The following COL18A1 variants were observed in gnomAD, a reference collection of about 807,000 sequenced individuals.
The protein encoded by COL18A1 is collagen alpha-1(XVIII) chain.
COL18A1 carries 133 observed loss-of-function variants against 168.0 expected under a neutral mutation model. The ratio of observed to expected loss-of-function variants is 0.79; its 90% confidence interval spans 0.69 to 0.91. COL18A1 has a LOEUF of 0.91. COL18A1 is among the 40% of genes least tolerant of loss of function. COL18A1 has a pLI of 0.00. For synonymous variants in COL18A1, 949 were observed against 809.0 expected (o/e 1.17, Z -2.94); for missense variants, 2,126 against 1,925.4 (o/e 1.10, Z -1.95).
intron 26 of COL18A1, 198 bp from the exon 27 acceptor site, chr21:45,494,347 G>T: frequency 2.9e-6 from 2 of 694,152 alleles, no homozygotes; most frequent in Non-Finnish European, 5.0e-6. Flanking sequence ...CTCACCAGTG[G>T]CTCCTGTCCT....
At chr21:45,511,996 G>A (rs1568956550) in intron 41 of COL18A1, among the ~76,000 whole-genome samples, 192 bp from the exon 42 acceptor site, 1 of 152,198 alleles carries the variant, frequency 6.6e-6, no homozygotes, top group African/African-American at 2.4e-5. Flanking sequence ...ATGGGGGGCA[G>A]TCTGGGAGAT....
chr21:45,470,545 G>A (rs150227170), intron 3 of COL18A1, among the ~76,000 whole-genome samples: 1,464 of 143,774 alleles, frequency 0.01, 27 homozygotes, highest in African/African-American at 0.034. Flanking sequence ...GGAGTGCAAT[G>A]GGGTGATCTC....
chr21:45,480,734 C>T lies in COL18A1; in HGVS notation c.1487C>T (p.Pro496Leu), dbSNP rs2035862696. Residue 496 changes from proline to leucine, a missense_variant, in exon 13 of 42, where the codon CCC becomes CTC. Physicochemically the swap from Pro to Leu is moderately conservative, Grantham distance 98. Coordinates refer to ENST00000651438, the MANE Select transcript of COL18A1 (RefSeq NM_001379500.1). ...PRGFPGPPGP[P>L]GVPGLPGEPG... ...GGCTTCCCTGGACCTCCCGGACCCC[C>T]CGGTGTCCCAGGCCTGCCCGGCGAG... The T allele has an allele frequency of 6.2e-7, 1 of 1,610,836 alleles. No homozygotes were observed. The highest frequency in any genetic ancestry group is 1.3e-5 in the African/African-American group (1 of 74,926).
chr21:45,480,632 C>T lies in COL18A1; in HGVS notation c.1453-68C>T, dbSNP rs28608951. On this transcript the variant is annotated intron_variant, in intron 12 of 41. Transcript: ENST00000651438. ...GTGGGGGGTGGGGATGAGGCCCGTT[C>T]TGGGGGTGGTGGTCATCCCTGGTGG... The T allele has an allele frequency of 0.3, 486,850 of 1,611,606 alleles. 74,453 individuals carry two copies. Among genetic ancestry groups the T allele is most frequent in the African/African-American group, 0.39 (29,087 of 74,898 alleles).
chr21:45,429,496 A>G (rs2033897011), intron 2 of COL18A1, among the ~76,000 whole-genome samples: 1 of 152,088 alleles, frequency 6.6e-6, no homozygotes, highest in South Asian at 2.1e-4. Context: ...CCCACTGTGC[A>G]CCCAGCACCC....
At chr21:45,451,790 G>A (rs998706966) in intron 2 of COL18A1, among the ~76,000 whole-genome samples, 3 of 152,134 alleles carry the variant, frequency 2.0e-5, no homozygotes, top group Non-Finnish European at 2.9e-5. Flanking sequence ...CAGGTCCTGC[G>A]CACCCCCAGG....
intron 32 of COL18A1, chr21:45,497,943 C>T (rs955560386): frequency 2.5e-5 from 15 of 604,418 alleles, no homozygotes; most frequent in East Asian, 5.5e-5. Context: ...GTGGGCACTG[C>T]GCAGAGACAC....
chr21:45,503,773 A>T (rs1377757531), intron 32 of COL18A1, among the ~76,000 whole-genome samples: 1 of 152,088 alleles, frequency 6.6e-6, no homozygotes, highest in Non-Finnish European at 1.5e-5. Flanking sequence ...GTACCCTAAA[A>T]CTTAAAGTAT....
chr21:45,455,303 C>G (rs1345917681), intron 2 of COL18A1, among the ~76,000 whole-genome samples: 1 of 152,234 alleles, frequency 6.6e-6, no homozygotes, highest in Admixed American at 6.5e-5. Flanking sequence ...TGCTGCAGGG[C>G]CGTGGGAAAG....
chr21:45,454,964 G>C (rs1354549131), intron 2 of COL18A1, among the ~76,000 whole-genome samples: 1 of 152,238 alleles, frequency 6.6e-6, no homozygotes, highest in African/African-American at 2.4e-5. Flanking sequence ...AGCTCTGAGA[G>C]GGTCTGAGCC....
intron 2 of COL18A1, chr21:45,467,138 G>A (rs1452534064): frequency 6.9e-6 from 5 of 720,158 alleles, no homozygotes; most frequent in Admixed American, 6.3e-5. Flanking sequence ...GCCTGGCACG[G>A]CAGGTGTGCT....
chr21:45,485,281 G>A (rs550112022), intron 15 of COL18A1, among the ~76,000 whole-genome samples: 5 of 149,848 alleles, frequency 3.3e-5, no homozygotes, highest in South Asian at 2.1e-4. Flanking sequence ...GATTACAGGC[G>A]TGAGCCACCA....
rs1437854260 is a variant in COL18A1, at chr21:45,468,309, G to C, written c.174G>C (p.Gln58His). Residue 58 changes from glutamine (Q) to histidine (H), a missense_variant, in exon 3 of 42, where the codon CAG (glutamine) becomes CAC (histidine). Gln to His is a conservative substitution (Grantham distance 24). Transcript: ENST00000651438. ...ACCCCCCGCCCCAGCAGGTCACCCA[G>C]ACGGATGACCCCGACGTCGGGCTGG... ...LGDPPPQQVT[Q>H]TDDPDVGLAY... 1.2e-6 allele frequency: 2 copies of C among 1,613,276 alleles called. No individual in the cohort carries two copies. Among genetic ancestry groups the C allele is most frequent in the East Asian group, 4.5e-5 (2 of 44,894 alleles).
At chr21:45,499,201 C>T (rs922351507) in intron 32 of COL18A1, among the ~76,000 whole-genome samples, 4 of 152,014 alleles carry the variant, frequency 2.6e-5, no homozygotes, top group African/African-American at 4.8e-5. Context: ...GTGGTACTCC[C>T]GTGGCCTTCA....
chr21:45,424,743 GCCC>G, intron 2 of COL18A1: 1 of 152,414 alleles, frequency 6.6e-6, no homozygotes, highest in Middle Eastern at 3.4e-3. Context: ...GCAGCCCTTG[GCCC>G]CCACTGACCC....
chr21:45,510,044 A>C lies in COL18A1; in HGVS notation c.3496-20A>C. The C allele has an allele frequency of 6.5e-7, 1 of 1,542,836 alleles. No homozygotes were observed. Among genetic ancestry groups the C allele is most frequent in the Non-Finnish European group, 8.7e-7 (1 of 1,150,090 alleles). On this transcript the variant is annotated intron_variant, in intron 39 of 41. Coordinates refer to ENST00000651438, the MANE Select transcript of COL18A1 (RefSeq NM_001379500.1). ...GGGGCAGCGTGGGACACAGCCCGTG[A>C]CGCGCCCCTCTCCCCGCAGCTCCAC...
At chr21:45,511,900 C>T (rs1427689323) in intron 41 of COL18A1, among the ~76,000 whole-genome samples, 1 of 152,238 alleles carries the variant, frequency 6.6e-6, no homozygotes, top group East Asian at 1.9e-4. Context: ...AGCCTCTGCT[C>T]AGCAGGCATG....
intron 2 of COL18A1, 29 bp from the exon 3 acceptor site, chr21:45,468,213 C>A (rs368904750): frequency 2.8e-5 from 45 of 1,612,120 alleles, no homozygotes; most frequent in Non-Finnish European, 3.6e-5. Flanking sequence ...CCTGCACAGC[C>A]ACCTCACCAG....
At position 45,457,926 on chromosome 21, in the gene COL18A1, C is replaced by T. The variant is rs2034896972; in HGVS notation, c.107-10316C>T. On this transcript the variant is annotated intron_variant, in intron 2 of 41. Transcript: ENST00000651438. The surrounding 1 kb of genome is among the most constrained non-coding windows in gnomAD (Gnocchi z 4.6). ...ACCAGGCTCCGTGAGGGATGACGAG[C>T]TTGGTGATTCCCCTTGAGTTTCAGG... Among the ~76,000 whole-genome samples the T allele has an allele frequency of 6.6e-6, 1 of 152,154 alleles. No individual in the cohort carries two copies. The highest frequency in any genetic ancestry group is 2.4e-5 in the African/African-American group (1 of 41,428).
Sources: gnomAD v4.1 joint callset for allele counts (sites outside exome capture counted in the v4.1 genomes callset) on GRCh38, gnomAD v4.1.1 for gene constraint, Gnocchi (gnomAD v3.1) non-coding constraint, MANE v1.5 for transcripts, NCBI Gene and HGNC (gene_info 2026-07-23, HGNC 2026-07-21) for gene names.